Variants in ATP10B observed in about 807,000 individuals in gnomAD.
ATP10B encodes the protein phospholipid-transporting ATPase VB.
In ATP10B, 122 loss-of-function variants were observed where a neutral mutation model predicts 141.2. The ratio of observed to expected loss-of-function variants is 0.86; its 90% confidence interval spans 0.75 to 1.00. ATP10B has a LOEUF of 1.00. ATP10B is among the 50% of genes least tolerant of loss of function. The probability of loss-of-function intolerance (pLI) is 0.00; values close to 1 mark genes in which losing one functional copy is unlikely to be tolerated. For synonymous variants in ATP10B, 685 were observed against 692.0 expected (o/e 0.99, Z 0.16); for missense variants, 1,876 against 1,825.3 (o/e 1.03, Z -0.51).
At chr5:160,688,197 T>TA in intron 4 of ATP10B, 103 bp from the exon 5 acceptor site, 1 of 1,234,634 alleles carries the variant, frequency 8.1e-7, no homozygotes, top group Non-Finnish European at 1.1e-6. Context: ...AAAGTAGTCT[T>TA]AACCCACACT....
At chr5:160,878,488 G>T in the ATP10B span, among the ~76,000 whole-genome samples, 1 of 152,216 alleles carries the variant, frequency 6.6e-6, no homozygotes, top group South Asian at 2.1e-4. Context: ...GACACTTCAT[G>T]TCCAAAACAC....
At chr5:160,615,740 AT>A in intron 17 of ATP10B, 97 bp downstream of exon 17, 2 of 1,473,372 alleles carry the variant, frequency 1.4e-6, no homozygotes, top group Admixed American at 3.7e-5. Context: ...AAGGCTGCTA[AT>A]GGAGACATAT....
At chr5:160,685,505 A>G (rs1763695324) in intron 6 of ATP10B, 2 of 278,646 alleles carry the variant, frequency 7.2e-6, no homozygotes, top group Non-Finnish European at 1.3e-5. Flanking sequence ...AGGTGTACCA[A>G]CTCTGGGTCC....
chr5:160,659,356 C>A (rs1449460057), intron 7 of ATP10B, among the ~76,000 whole-genome samples: 2 of 151,734 alleles, frequency 1.3e-5, no homozygotes, highest in Admixed American at 1.3e-4. Flanking sequence ...TCCCAGCTAC[C>A]TGGGAGACTG....
intron 22 of ATP10B, among the ~76,000 whole-genome samples, chr5:160,594,778 A>G (rs1169526622): frequency 6.6e-6 from 1 of 152,052 alleles, no homozygotes; most frequent in Non-Finnish European, 1.5e-5. Flanking sequence ...AACAAAGATC[A>G]AAAGAGACAA....
In ATP10B at chr5:160,620,777, C is replaced by G; in HGVS notation, c.1986G>C (p.Glu662Asp). 1 of 1,614,238 alleles carries G rather than the reference C, an allele frequency of 6.2e-7. No homozygotes were observed. The highest frequency in any genetic ancestry group is 8.5e-7 in the Non-Finnish European group (1 of 1,180,042). ...GANVATTDSD[E>D]RDDASVCSGG... ...CACTGCACACAGATGCATCATCTCT[C>G]TCATCCGAGTCTGTGGTGGCCACGT... The change falls in exon 15 of 26, where the codon GAG (glutamate) becomes GAC (aspartate). Residue 662 changes from glutamate to aspartate, a missense_variant. By Grantham distance (45) the Glu-to-Asp change is conservative (BLOSUM62 2). Coordinates refer to ENST00000327245, the MANE Select transcript of ATP10B (RefSeq NM_025153.3).
At chr5:160,757,546 T>C (rs1404680181) in intron 2 of ATP10B, among the ~76,000 whole-genome samples, 1 of 152,250 alleles carries the variant, frequency 6.6e-6, no homozygotes, top group Non-Finnish European at 1.5e-5. Flanking sequence ...AATTAGAAGA[T>C]AATTGAAATT....
intron 1 of ATP10B, among the ~76,000 whole-genome samples, chr5:160,816,782 C>T (rs139342161): frequency 6.6e-6 from 1 of 152,168 alleles, no homozygotes; most frequent in Non-Finnish European, 1.5e-5. Flanking sequence ...AATCCAGCAG[C>T]ACATCAAAAA....
Position 160,620,792 on chromosome 5 carries a change from G to A in ATP10B, c.1971C>T (p.Thr657=). The change falls in exon 15 of 26, where the codon ACC becomes ACT. Residue 657 remains threonine (T), a synonymous_variant. Coordinates refer to ENST00000327245, the MANE Select transcript of ATP10B (RefSeq NM_025153.3). ...LGESLGANVA[T]TDSDERDDAS... ...CATCATCTCTCTCATCCGAGTCTGT[G>A]GTGGCCACGTTGGCCCCTAAGCTCT... 1.2e-6 allele frequency: 2 copies of A among 1,614,178 alleles called. No homozygotes were observed. The highest frequency in any genetic ancestry group is 1.3e-5 in the African/African-American group (1 of 75,062).
intron 1 of ATP10B, among the ~76,000 whole-genome samples, chr5:160,831,545 C>A (rs1251441193): frequency 2.0e-5 from 3 of 152,044 alleles, no homozygotes; most frequent in Non-Finnish European, 4.4e-5. Context: ...TGTTCAGGCA[C>A]TAAAAGCTGT....
intron 1 of ATP10B, among the ~76,000 whole-genome samples, chr5:160,841,925 A>G (rs1775832907): frequency 6.6e-6 from 1 of 152,118 alleles, no homozygotes. Flanking sequence ...GGGTTTCACC[A>G]TGTTGGCCAA....
chr5:160,620,077 G>A (rs1163145698), intron 15 of ATP10B, among the ~76,000 whole-genome samples: 1 of 152,196 alleles, frequency 6.6e-6, no homozygotes, highest in African/African-American at 2.4e-5. Flanking sequence ...AATGAGTTTG[G>A]AAAACTGGGA....
intron 21 of ATP10B, among the ~76,000 whole-genome samples, chr5:160,601,254 G>A (rs547550947): frequency 6.6e-6 from 1 of 152,146 alleles, no homozygotes; most frequent in Non-Finnish European, 1.5e-5. Flanking sequence ...AGTCATTCCT[G>A]AGCAAAGGTG....
the ATP10B span, among the ~76,000 whole-genome samples, chr5:160,927,123 A>G: frequency 2.0e-5 from 3 of 152,222 alleles, no homozygotes; most frequent in Non-Finnish European, 4.4e-5. Flanking sequence ...AGAGAAGAGT[A>G]CAGCTCATAG....
At chr5:160,763,145 T>C (rs1769166742) in intron 2 of ATP10B, among the ~76,000 whole-genome samples, 1 of 152,104 alleles carries the variant, frequency 6.6e-6, no homozygotes, top group Middle Eastern at 3.2e-3. Context: ...CTGACAGCAC[T>C]AGACGGGACA....
At chr5:160,571,147 C>T (rs909255201) in intron 24 of ATP10B, among the ~76,000 whole-genome samples, 1 of 152,008 alleles carries the variant, frequency 6.6e-6, no homozygotes, top group African/African-American at 2.4e-5. Context: ...TCAAAGATTG[C>T]CTATATTTCA....
chr5:160,890,419 C>A, the ATP10B span, among the ~76,000 whole-genome samples: 1 of 152,114 alleles, frequency 6.6e-6, no homozygotes, highest in Non-Finnish European at 1.5e-5. Flanking sequence ...AAGAAAGAAA[C>A]CCTCCCCATT....
intron 1 of ATP10B, among the ~76,000 whole-genome samples, chr5:160,841,777 T>G (rs890437902): frequency 6.6e-6 from 1 of 152,160 alleles, no homozygotes; most frequent in Non-Finnish European, 1.5e-5. Context: ...TAGGCTGGAG[T>G]GCAGTGGCAA....
chr5:160,779,180 C>T (rs902912797), intron 2 of ATP10B, among the ~76,000 whole-genome samples: 1 of 152,114 alleles, frequency 6.6e-6, no homozygotes, highest in Non-Finnish European at 1.5e-5. Context: ...AAGCCAAGTA[C>T]TTTTCAAAAC....
Sources: gnomAD v4.1 joint callset for allele counts (sites outside exome capture counted in the v4.1 genomes callset) on GRCh38, gnomAD v4.1.1 for gene constraint, MANE v1.5 for transcripts, NCBI Gene and HGNC (gene_info 2026-07-23, HGNC 2026-07-21) for gene names.